Variants in SLC35F3 observed in about 807,000 individuals in gnomAD.
The protein encoded by SLC35F3 is putative thiamine transporter SLC35F3.
SLC35F3 carries 25 observed loss-of-function variants against 49.9 expected under a neutral mutation model. The ratio of observed to expected loss-of-function variants is 0.50; its 90% CI spans 0.37 to 0.70. The LOEUF (loss-of-function observed/expected upper bound fraction) is 0.70. SLC35F3 is among the 30% of genes least tolerant of loss of function. The probability of loss-of-function intolerance (pLI) is 0.00; values close to 1 mark genes in which losing one functional copy is unlikely to be tolerated. For missense variants in SLC35F3, 525 were observed against 639.8 expected (o/e 0.82, Z 1.94); for synonymous variants, 275 against 265.4 (o/e 1.04, Z -0.35).
chr1:233,945,723 C>T (rs550510694), intron 2 of SLC35F3, among the ~76,000 whole-genome samples: 3 of 152,326 alleles, frequency 2.0e-5, no homozygotes, highest in Admixed American at 6.5e-5. Flanking sequence ...GTAAGTCTCA[C>T]GAGATCTGAT....
chr1:233,961,937 A>G (rs1662810768), intron 2 of SLC35F3, among the ~76,000 whole-genome samples: 1 of 152,182 alleles, frequency 6.6e-6, no homozygotes, highest in Non-Finnish European at 1.5e-5. Context: ...GGGACAGAAG[A>G]ACTTCTGGCG....
At chr1:234,076,953 C>T (rs1664800238) in intron 2 of SLC35F3, among the ~76,000 whole-genome samples, 1 of 150,830 alleles carries the variant, frequency 6.6e-6, no homozygotes, top group African/African-American at 2.4e-5. Context: ...CTAAAAAGAA[C>T]AGTCTGAGAC....
intron 2 of SLC35F3, among the ~76,000 whole-genome samples, chr1:233,929,905 T>C (rs1334149558): frequency 6.6e-6 from 1 of 152,118 alleles, no homozygotes; most frequent in Admixed American, 6.6e-5. Context: ...GGGATCTTTG[T>C]GGAGAGTGAC....
At chr1:234,111,368 T>G (rs915533347) in intron 2 of SLC35F3, among the ~76,000 whole-genome samples, 1 of 152,162 alleles carries the variant, frequency 6.6e-6, no homozygotes. Context: ...CTCAGCTCAC[T>G]GCAACCTCCA....
chr1:234,092,394 C>CCTCCTA (rs962444639), intron 2 of SLC35F3, among the ~76,000 whole-genome samples: 2 of 152,088 alleles, frequency 1.3e-5, no homozygotes, highest in African/African-American at 4.8e-5. Flanking sequence ...AGTGAGAGGA[C>CCTCCTA]CCCTCTCCCA....
rs147962474 is a variant in SLC35F3 at position 234,249,865 on chromosome 1, G to A, written c.608+18124G>A. ...CCGAAGTGTGTTCCACACAATGTTA[G>A]TAATGCACCATGTTAATTAGGCTTC... On this transcript the variant is annotated intron_variant, in intron 3 of 7. Coordinates refer to ENST00000366618, the MANE Select transcript of SLC35F3 (RefSeq NM_173508.4). Among the ~76,000 whole-genome samples, 40 of 152,364 alleles carry A rather than the reference G, an allele frequency of 2.6e-4. 1 individual carries two copies. Among genetic ancestry groups the A allele is most frequent in the African/African-American group, 7.9e-4 (33 of 41,580 alleles).
chr1:234,237,492 G>A (rs1358204885), intron 3 of SLC35F3, among the ~76,000 whole-genome samples: 1 of 152,184 alleles, frequency 6.6e-6, no homozygotes, highest in African/African-American at 2.4e-5. Context: ...TAAATGCTAA[G>A]GCATTGCCAA....
intron 2 of SLC35F3, among the ~76,000 whole-genome samples, chr1:234,192,678 C>T (rs1035174155): frequency 1.3e-5 from 2 of 152,024 alleles, no homozygotes; most frequent in Non-Finnish European, 2.9e-5. Context: ...ATGATATAAT[C>T]GTAAACCTAG....
At chr1:234,067,632 C>T (rs1664641452) in intron 2 of SLC35F3, among the ~76,000 whole-genome samples, 1 of 152,152 alleles carries the variant, frequency 6.6e-6, no homozygotes, top group African/African-American at 2.4e-5. Flanking sequence ...GGTTGTCCTC[C>T]TGGAGGATAA....
At chr1:234,050,165 G>A (rs9435546) in intron 2 of SLC35F3, among the ~76,000 whole-genome samples, 2,871 of 152,304 alleles carry the variant, frequency 0.019, 99 homozygotes, top group African/African-American at 0.066. Context: ...TAATGGGATA[G>A]CTGGGTCAAA....
Position 234,149,127 on chromosome 1 carries a change from A to G in SLC35F3, c.284-82290A>G, listed in dbSNP as rs555546824. On this transcript the variant is annotated intron_variant, in intron 2 of 7. Transcript: ENST00000366618. ...ATTGGCACATAAATGAATGAAATCA[A>G]TGACGGAATCTGTGTGGATGGAAAA... Among the ~76,000 whole-genome samples, 4 of 152,312 alleles carry G rather than the reference A, an allele frequency of 2.6e-5. No homozygotes were observed. In the East Asian group the frequency reaches 5.8e-4, roughly 22 times the overall value.
At chr1:233,951,438 G>A (rs938248621) in intron 2 of SLC35F3, among the ~76,000 whole-genome samples, 8 of 151,710 alleles carry the variant, frequency 5.3e-5, no homozygotes, top group African/African-American at 1.9e-4. Flanking sequence ...GCCCTCTACA[G>A]GTGTACCTTT....
At chr1:234,301,676 A>G (rs558583898) in intron 3 of SLC35F3, among the ~76,000 whole-genome samples, 1 of 152,356 alleles carries the variant, frequency 6.6e-6, no homozygotes, top group Admixed American at 6.5e-5. Context: ...TGACCCAGCA[A>G]TCCCATTACT....
chr1:234,198,234 T>C (rs1425165800), intron 2 of SLC35F3, among the ~76,000 whole-genome samples: 2 of 152,224 alleles, frequency 1.3e-5, no homozygotes, highest in East Asian at 3.8e-4. Context: ...ATTATATGGA[T>C]TATGTACAGT....
rs530158931 is a variant in SLC35F3, at chr1:234,122,583, T to G, written c.284-108834T>G. Among the ~76,000 whole-genome samples the G allele has an allele frequency of 1.9e-4, 29 of 152,318 alleles. No individual in the cohort carries two copies. In the South Asian group the frequency reaches 5.2e-3, roughly 27 times the overall value. ...CATCATCTAGGTTTTAAGCCCCATA[T>G]GCATTAGGCATTTGTCCTAATGCTC... On this transcript the variant is annotated intron_variant, in intron 2 of 7. Transcript: ENST00000366618.
intron 2 of SLC35F3, among the ~76,000 whole-genome samples, chr1:234,129,371 A>G (rs1050759296): frequency 7.2e-5 from 11 of 152,240 alleles, no homozygotes; most frequent in Non-Finnish European, 1.3e-4. Flanking sequence ...CTAGCAATAC[A>G]TTACACAAAA....
Position 234,095,618 on chromosome 1 carries a change from A to T in SLC35F3, c.284-135799A>T, listed in dbSNP as rs181818109. Among the ~76,000 whole-genome samples, 236 of 152,344 alleles carry T rather than the reference A, an allele frequency of 1.5e-3. 2 individuals carry two copies. Among genetic ancestry groups the T allele is most frequent in the African/African-American group, 5.6e-3 (233 of 41,588 alleles). ...TTCTTAGACATTTTATTTATATGAC[A>T]TGATTTAATTCATGAGAGCATGGGT... On this transcript the variant is annotated intron_variant, in intron 2 of 7. Transcript: ENST00000366618.
intron 2 of SLC35F3, among the ~76,000 whole-genome samples, chr1:234,131,615 T>G (rs1665737807): frequency 6.6e-6 from 1 of 152,188 alleles, no homozygotes; most frequent in African/African-American, 2.4e-5. Flanking sequence ...AGCTCACAGT[T>G]GTAGCGAGCA....
intron 2 of SLC35F3, among the ~76,000 whole-genome samples, chr1:234,201,912 C>A (rs1336706247): frequency 1.8e-3 from 198 of 111,732 alleles, no homozygotes; most frequent in East Asian, 3.8e-3. Flanking sequence ...GACTTCTTCT[C>A]AAAAAAAAAA....
Sources: allele counts gnomAD v4.1 joint callset (sites outside exome capture counted in the v4.1 genomes callset), GRCh38; gene constraint gnomAD v4.1.1; transcripts MANE v1.5; gene names NCBI Gene and HGNC (gene_info 2026-07-23, HGNC 2026-07-21).